Variants in NPR1 observed in about 807,000 individuals in gnomAD.
The protein encoded by NPR1 is natriuretic peptide receptor 1.
NPR1 carries 57 observed loss-of-function variants against 116.9 expected under a neutral mutation model. That is an observed-to-expected ratio of 0.49 (90% CI 0.39 to 0.61). The LOEUF (loss-of-function observed/expected upper bound fraction) is 0.61, where lower values mean the gene tolerates loss of function less well. Among genes scored for constraint, NPR1 ranks in the 20% least tolerant of loss-of-function variants. The pLI, the probability that NPR1 is intolerant of heterozygous loss-of-function variation, is 0.00. For missense variants in NPR1, 1,096 were observed against 1,409.8 expected (o/e 0.78, Z 3.56); for synonymous variants, 555 against 601.6 (o/e 0.92, Z 1.13).
chr1:153,684,978 A>G lies in NPR1; in HGVS notation c.1499A>G (p.Glu500Gly). ...SFFIYRKMQL[E>G]KELASELWRV... ...TCGTATCCCAGGAAGATGCAGCTGGAGAAGGAACTGGCCTCGGAGCTGTGG... is the reference window on the plus strand; with the variant it reads ...TCGTATCCCAGGAAGATGCAGCTGGGGAAGGAACTGGCCTCGGAGCTGTGG... Residue 500 changes from glutamate to glycine, a missense_variant, in exon 8 of 22, where the codon GAG becomes GGG. Coordinates refer to ENST00000368680, the MANE Select transcript of NPR1 (RefSeq NM_000906.4). The G allele has an allele frequency of 6.2e-7, 1 of 1,614,090 alleles. No homozygotes were observed.
Position 153,686,138 on chromosome 1 carries a change from G to GT in NPR1, c.1697dup (p.Lys567GlufsTer6). On this transcript the variant is annotated frameshift_variant, in exon 10 of 22. Coordinates refer to ENST00000368680, the MANE Select transcript of NPR1 (RefSeq NM_000906.4). LOFTEE classifies it high-confidence loss of function. Reference sequence around the variant, plus strand: ...CCATGCCCAGGGCAACCTCGTGGCTGTGAAACGTGTGAACCGTAAACGCAT... The same window carrying GT: ...CCATGCCCAGGGCAACCTCGTGGCTGTTGAAACGTGTGAACCGTAAACGCAT... 1.9e-6 allele frequency: 3 copies of GT among 1,614,100 alleles called. No homozygotes were observed. The South Asian group carries it at 3.3e-5, about 18-fold the overall frequency.
At chr1:153,683,715 C>G (rs989895882) in intron 6 of NPR1, 25 bp from the exon 7 acceptor site, 2 of 1,610,884 alleles carry the variant, frequency 1.2e-6, no homozygotes, top group African/African-American at 2.7e-5. Flanking sequence ...ATCTCTCTTG[C>G]TGCAATATGG....
In NPR1 at chr1:153,690,696, C is replaced by G. The variant is rs1670083296; in HGVS notation, c.3031+314C>G. Among the ~76,000 whole-genome samples the G allele has an allele frequency of 3.9e-5, 6 of 151,974 alleles. No individual in the cohort carries two copies. In the South Asian group the frequency reaches 1.0e-3, roughly 26 times the overall value. On this transcript the variant is annotated intron_variant, in intron 20 of 21. Coordinates refer to ENST00000368680, the MANE Select transcript of NPR1 (RefSeq NM_000906.4). ...GTGACTCACACCTGTAATCCCAGCA[C>G]TTTGGGAAGCTGAGGCAGGCGGATC... is the stretch of plus-strand genomic sequence containing the variant.
intron 14 of NPR1, 101 bp downstream of exon 14, chr1:153,687,890 A>C: frequency 2.3e-6 from 3 of 1,316,428 alleles, no homozygotes; most frequent in Admixed American, 4.5e-5. Context: ...TCCTTCTGTA[A>C]TGGGGTTCAG....
At position 153,680,611 on chromosome 1, in the gene NPR1, CA is replaced by C. The variant is rs1557960070; in HGVS notation, c.835del (p.Ser279AlafsTer48). 1 of 1,614,146 alleles carries C rather than the reference CA, an allele frequency of 6.2e-7. No individual in the cohort carries two copies. Among genetic ancestry groups the C allele is most frequent in the Admixed American group, 1.7e-5 (1 of 60,016 alleles). On this transcript the variant is annotated frameshift_variant, in exon 2 of 22. Transcript: ENST00000368680. LOFTEE classifies it high-confidence loss of function. ...TTTCTTCCACCTGGATATCTTTGGG[CA>C]AAGCCTGCAAGGTGGACAGGGCCCT... ...YVFFHLDIFG[Q>X]SLQGGQGPAP... is the part of the protein sequence containing the mutation.
chr1:153,681,991 G>C, intron 4 of NPR1, 152 bp downstream of exon 4: 1 of 844,956 alleles, frequency 1.2e-6, no homozygotes, highest in Non-Finnish European at 1.8e-6. Context: ...TCCCTCAGAA[G>C]TCCTACAAAG....
chr1:153,691,911 G>A (rs933561310), intron 20 of NPR1, among the ~76,000 whole-genome samples: 1 of 151,358 alleles, frequency 6.6e-6, no homozygotes, highest in African/African-American at 2.4e-5. Flanking sequence ...GAGAAAGAAA[G>A]AAAAGAAAAG....
chr1:153,692,619 T>C (rs1670139957), intron 20 of NPR1, among the ~76,000 whole-genome samples: 2 of 151,744 alleles, frequency 1.3e-5, no homozygotes, highest in Admixed American at 1.3e-4. Flanking sequence ...TTCAAGCGAT[T>C]CTCCTGCCTC....
chr1:153,681,871 C>T (rs1010385129), intron 4 of NPR1, 32 bp downstream of exon 4: 2 of 1,608,334 alleles, frequency 1.2e-6, no homozygotes, highest in African/African-American at 2.7e-5. Context: ...GAATGGGCTG[C>T]CTTGGGGGAT....
rs774440887 is a variant in NPR1 at position 153,679,173 on chromosome 1, CGCT to C, written c.78_80del (p.Leu27del). On this transcript the variant is annotated inframe_deletion, in exon 1 of 22. Coordinates refer to ENST00000368680, the MANE Select transcript of NPR1 (RefSeq NM_000906.4). This position sits in a 1 kb window ranked among gnomAD's most constrained non-coding sequence, Gnocchi z 4.2. ...CTGCTCCTGCTCCTGCTGCTGCCGC[CGCT>C]GCTGCTGCTGCTCCGGGGCAGCCAC... 3.2e-5 allele frequency: 48 copies of C among 1,502,538 alleles called. No individual in the cohort carries two copies. The highest frequency in any genetic ancestry group is 1.3e-4 in the Admixed American group (6 of 46,450). The allele number at this position is 1,502,538 out of a possible 1,614,324, so 93.1% of individuals were successfully genotyped here.
intron 2 of NPR1, 73 bp downstream of exon 2, chr1:153,680,773 C>A (rs1669750643): frequency 1.6e-6 from 2 of 1,230,212 alleles, no homozygotes; most frequent in Non-Finnish European, 2.3e-6. Context: ...TGTCCCTCAG[C>A]GTCTGAAAGA....
intron 8 of NPR1, among the ~76,000 whole-genome samples, chr1:153,685,602 G>A (rs185830253): frequency 2.9e-4 from 44 of 152,088 alleles, no homozygotes; most frequent in East Asian, 1.2e-3. Flanking sequence ...AGTCTGAGGC[G>A]GCAGTGACCT....
chr1:153,681,534 G>A (rs1352367722), intron 3 of NPR1, 170 bp from the exon 4 acceptor site: 8 of 705,570 alleles, frequency 1.1e-5, no homozygotes, highest in Non-Finnish European at 1.9e-5. Flanking sequence ...TTCAGGAAGT[G>A]ATGCTAATCC....
chr1:153,680,955 G>A (rs552902587), intron 2 of NPR1: 2 of 597,416 alleles, frequency 3.3e-6, no homozygotes, highest in African/African-American at 3.7e-5. Context: ...GGCTTGAGGC[G>A]GGAGGAGGAT....
chr1:153,681,912 G>A (rs948580977), intron 4 of NPR1, 73 bp downstream of exon 4: 22 of 1,569,420 alleles, frequency 1.4e-5, no homozygotes, highest in Non-Finnish European at 1.8e-5. Context: ...CAAGCCATGA[G>A]AAGCCTATTG....
chr1:153,682,977 G>T (rs1669823569), intron 5 of NPR1, among the ~76,000 whole-genome samples: 1 of 152,218 alleles, frequency 6.6e-6, no homozygotes, highest in Non-Finnish European at 1.5e-5. Context: ...TCCAGAGAAG[G>T]CCTCCTGGAA....
At position 153,678,980 on chromosome 1, in the gene NPR1, G is replaced by T; in HGVS notation, c.-129G>T. On this transcript the variant is annotated 5_prime_UTR_variant, in exon 1 of 22. Transcript: ENST00000368680. The surrounding 1 kb of genome is among the most constrained non-coding windows in gnomAD (Gnocchi z 5.8). ...TACAGGGGGCCTCGAGCCCCGGGGT[G>T]AGCGTCCCCGTCCCGCTCCTGCTCC... 3.3e-6 allele frequency: 4 copies of T among 1,204,650 alleles called. No homozygotes were observed. The highest frequency in any genetic ancestry group is 4.3e-6 in the Non-Finnish European group (4 of 927,524). 74.6% of individuals were successfully genotyped at this position (1,204,650 alleles called of 1,614,324 possible).
Position 153,678,795 on chromosome 1 carries a change from C to T in NPR1, c.-314C>T, listed in dbSNP as rs146620277. 6 of 54,986 alleles carry T rather than the reference C, an allele frequency of 1.1e-4. No homozygotes were observed. The highest frequency in any genetic ancestry group is 3.5e-4 in the Admixed American group (1 of 2,828). The allele number at this position is 54,986 out of a possible 1,614,324, so 3.4% of individuals were successfully genotyped here. ...CACGAAGCGCTCACTCGCACCCTTT[C>T]TCTCTCTCTCTCTCTCTCTCTAACA... On this transcript the variant is annotated 5_prime_UTR_variant, in exon 1 of 22. Transcript: ENST00000368680. This position sits in a 1 kb window ranked among gnomAD's most constrained non-coding sequence, Gnocchi z 5.8.
At chr1:153,684,870 G>A (rs1669882723) in intron 7 of NPR1, 94 bp from the exon 8 acceptor site, 1 of 1,497,452 alleles carries the variant, frequency 6.7e-7, no homozygotes, top group Non-Finnish European at 9.2e-7. Flanking sequence ...CTGAGTGCAT[G>A]GTGTGGTCCC....
Sources: gnomAD v4.1 joint callset for allele counts (sites outside exome capture counted in the v4.1 genomes callset) on GRCh38, gnomAD v4.1.1 for gene constraint, Gnocchi (gnomAD v3.1) non-coding constraint, MANE v1.5 for transcripts, NCBI Gene and HGNC (gene_info 2026-07-23, HGNC 2026-07-21) for gene names.